The following AP2B1 variants were observed in gnomAD, a reference collection of about 807,000 sequenced individuals.
AP2B1 encodes adaptor related protein complex 2 subunit beta 1.
In AP2B1, 23 loss-of-function variants were observed where a neutral mutation model predicts 102.0. The ratio of observed to expected loss-of-function variants is 0.23; its 90% CI spans 0.16 to 0.32. The LOEUF (loss-of-function observed/expected upper bound fraction) is 0.32, where lower values mean the gene tolerates loss of function less well. Ranked by LOEUF, AP2B1 falls within the 10% of genes least tolerant of loss-of-function variation. The probability of loss-of-function intolerance (pLI) is 1.00; values close to 1 mark genes in which losing one functional copy is unlikely to be tolerated. For missense variants in AP2B1, 541 were observed against 1,157.4 expected, an observed-to-expected ratio of 0.47 and a Z score of 7.73; for synonymous variants, 381 against 421.2, an observed-to-expected ratio of 0.90 and a Z score of 1.17.
intron 14 of AP2B1, among the ~76,000 whole-genome samples, chr17:35,669,247 G>A (rs1236370878): frequency 6.6e-6 from 1 of 151,626 alleles, no homozygotes; most frequent in Non-Finnish European, 1.5e-5. Flanking sequence ...GGGTTCAAGG[G>A]ATGCTCCTGC....
At chr17:35,620,174 C>G (rs903162883) in intron 5 of AP2B1, among the ~76,000 whole-genome samples, 2 of 152,108 alleles carry the variant, frequency 1.3e-5, no homozygotes, top group African/African-American at 4.8e-5. Context: ...AGGAAGCTCT[C>G]TTAAGAAACC....
intron 5 of AP2B1, among the ~76,000 whole-genome samples, chr17:35,614,644 T>G (rs1016864520): frequency 3.2e-5 from 4 of 126,946 alleles, no homozygotes; most frequent in African/African-American, 1.2e-4. Flanking sequence ...AATTGCAAAC[T>G]GTTGAATTAG....
intron 20 of AP2B1, among the ~76,000 whole-genome samples, chr17:35,710,927 G>T (rs1309293374): frequency 6.6e-6 from 1 of 152,056 alleles, no homozygotes; most frequent in African/African-American, 2.4e-5. Context: ...AGCCTAGTTG[G>T]TAACCTTTTA....
intron 4 of AP2B1, among the ~76,000 whole-genome samples, chr17:35,606,560 A>C (rs911490062): frequency 3.3e-5 from 5 of 151,990 alleles, no homozygotes; most frequent in African/African-American, 1.2e-4. Context: ...TTTTTAATGG[A>C]AAATTTTAAA....
At chr17:35,717,845 T>C (rs1484195853) in intron 21 of AP2B1, among the ~76,000 whole-genome samples, 5 of 152,158 alleles carry the variant, frequency 3.3e-5, no homozygotes, top group African/African-American at 1.2e-4. Flanking sequence ...GGAACACACC[T>C]TTGGAAGCGT....
intron 10 of AP2B1, among the ~76,000 whole-genome samples, chr17:35,638,607 A>C (rs2074676647): frequency 6.6e-6 from 1 of 151,736 alleles, no homozygotes; most frequent in African/African-American, 2.4e-5. Flanking sequence ...GCTAACATGG[A>C]GAAACCCTGT....
At chr17:35,641,093 A>G (rs1045621206) in intron 11 of AP2B1, among the ~76,000 whole-genome samples, 1 of 152,238 alleles carries the variant, frequency 6.6e-6, no homozygotes, top group African/African-American at 2.4e-5. Flanking sequence ...ACAAGTCAAT[A>G]GCTTTGTGGT....
At chr17:35,717,899 G>A (rs1394735286) in intron 21 of AP2B1, among the ~76,000 whole-genome samples, 3 of 152,186 alleles carry the variant, frequency 2.0e-5, no homozygotes, top group Non-Finnish European at 4.4e-5. Context: ...GTATCACACT[G>A]AACTAAAGTA....
chr17:35,606,067 ACC>A, intron 4 of AP2B1, among the ~76,000 whole-genome samples: 1 of 151,986 alleles, frequency 6.6e-6, no homozygotes, highest in East Asian at 1.9e-4. Flanking sequence ...ACCTGGTGAA[ACC>A]CCACTGTTTT....
At chr17:35,704,197 A>G (rs375418755) in intron 18 of AP2B1, among the ~76,000 whole-genome samples, 45 of 152,150 alleles carry the variant, frequency 3.0e-4, no homozygotes, top group African/African-American at 1.1e-3. Flanking sequence ...AACACCCAAA[A>G]TATGATTGGC....
intron 1 of AP2B1, among the ~76,000 whole-genome samples, chr17:35,591,171 CAAA>C (rs35271211): frequency 4.9e-4 from 34 of 68,938 alleles, no homozygotes; most frequent in African/African-American, 9.5e-4. Context: ...GATTTTGTCT[CAAA>C]AAAAAAAAAA....
intron 20 of AP2B1, 40 bp downstream of exon 20, chr17:35,710,360 A>G: frequency 7.5e-7 from 1 of 1,333,852 alleles, no homozygotes; most frequent in Non-Finnish European, 1.1e-6. Context: ...ATCTTAGTAA[A>G]TCAAATTAGA....
At chr17:35,688,930 C>T (rs1048822915) in intron 18 of AP2B1, among the ~76,000 whole-genome samples, 1 of 152,138 alleles carries the variant, frequency 6.6e-6, no homozygotes, top group Non-Finnish European at 1.5e-5. Context: ...CGCCACTGCA[C>T]TCCAGCCTGC....
At chr17:35,723,567 C>A in intron 21 of AP2B1, 58 bp from the exon 22 acceptor site, 1 of 1,178,706 alleles carries the variant, frequency 8.5e-7, no homozygotes. Flanking sequence ...TGCTTGGATA[C>A]CTTTAGAGCT....
At chr17:35,660,473 TTCTC>T (rs757152536) in intron 14 of AP2B1, among the ~76,000 whole-genome samples, 3 of 150,060 alleles carry the variant, frequency 2.0e-5, no homozygotes, top group Non-Finnish European at 3.0e-5. Context: ...CTTTTTCTTT[TTCTC>T]TCTCTTTTTT....
chr17:35,597,594 G>A (rs1246105833), intron 2 of AP2B1, among the ~76,000 whole-genome samples: 1 of 152,214 alleles, frequency 6.6e-6, no homozygotes, highest in East Asian at 1.9e-4. Flanking sequence ...TTGGGTGTGC[G>A]TTAGAGTCAC....
chr17:35,626,561 A>C, intron 6 of AP2B1, 60 bp from the exon 7 acceptor site: 1 of 1,373,598 alleles, frequency 7.3e-7, no homozygotes. Flanking sequence ...ATTACCTTAT[A>C]GAATGAATTC....
intron 1 of AP2B1, among the ~76,000 whole-genome samples, chr17:35,590,484 T>C (rs1033326171): frequency 1.3e-5 from 2 of 152,224 alleles, no homozygotes; most frequent in African/African-American, 4.8e-5. Context: ...GATTTGTTTT[T>C]ATTTACACTA....
chr17:35,655,982 T>C (rs1400163732), intron 13 of AP2B1, among the ~76,000 whole-genome samples: 1 of 152,258 alleles, frequency 6.6e-6, no homozygotes. Context: ...TAGGAATTCC[T>C]TATATAATTT....
Sources: allele counts gnomAD v4.1 joint callset (sites outside exome capture counted in the v4.1 genomes callset), GRCh38; gene constraint gnomAD v4.1.1; transcripts MANE v1.5; gene names NCBI Gene and HGNC (gene_info 2026-07-23, HGNC 2026-07-21).